The following OSCP1 variants were observed in gnomAD, a reference collection of about 807,000 sequenced individuals.
The protein encoded by OSCP1 is organic solute carrier partner 1, also known as protein OSCP1.
Under a neutral mutation model 45.1 loss-of-function variants are expected in OSCP1, and 35 were observed. The observed-to-expected ratio is 0.78, with a 90% CI of 0.59 to 1.03. The LOEUF (loss-of-function observed/expected upper bound fraction) is 1.03. Ranked by LOEUF, OSCP1 falls within the 50% of genes least tolerant of loss-of-function variation. OSCP1 has a pLI of 0.00. For synonymous variants in OSCP1, 179 were observed against 180.1 expected (o/e 0.99, Z 0.05); for missense variants, 400 against 470.7 (o/e 0.85, Z 1.39).
At chr1:36,432,004 G>T in intron 3 of OSCP1, 122 bp from the exon 4 acceptor site, 1 of 783,078 alleles carries the variant, frequency 1.3e-6, no homozygotes, top group Non-Finnish European at 2.0e-6. Flanking sequence ...CTGGGCTGCT[G>T]GGCAGGAGGG....
chr1:36,422,946 C>G, intron 5 of OSCP1, 50 bp from the exon 6 acceptor site: 1 of 1,470,744 alleles, frequency 6.8e-7, no homozygotes, highest in Non-Finnish European at 9.0e-7. Flanking sequence ...CTTAGGTAGT[C>G]CTGGAGGCTT....
intron 2 of OSCP1, 103 bp from the exon 3 acceptor site, chr1:36,432,692 G>A: frequency 7.1e-7 from 1 of 1,399,432 alleles, no homozygotes; most frequent in South Asian, 1.2e-5. Context: ...AACCAACTCT[G>A]GGCTTGCCAT....
intron 4 of OSCP1, among the ~76,000 whole-genome samples, chr1:36,430,551 T>C (rs74872542): frequency 0.1 from 15,517 of 151,856 alleles, 944 homozygotes; most frequent in East Asian, 0.29. Context: ...AGGAGGATCA[T>C]TTGAGCCCAA....
At position 36,418,180 on chromosome 1, in the gene OSCP1, T is replaced by C. The variant is rs17851612; in HGVS notation, c.1099A>G (p.Ser367Gly). 1.2e-6 allele frequency: 2 copies of C among 1,614,198 alleles called. No homozygotes were observed. Among genetic ancestry groups the C allele is most frequent in the Non-Finnish European group, 1.7e-6 (2 of 1,180,026 alleles). Residue 367 changes from serine (S) to glycine (G), a missense_variant, in exon 10 of 10, where the codon AGC becomes GGC. Ser to Gly is a moderately conservative substitution (Grantham distance 56). Transcript: ENST00000235532. ...ATGGCGAGCAAATCGTCCCCTTTGC[T>C]GGTGCTCAGCCTTGGCTGCTCCGTG... is the stretch of plus-strand genomic sequence containing the variant. Reference protein sequence around the residue: ...EITEQPRLSTSKGDDLLAMMD... With the variant: ...EITEQPRLSTGKGDDLLAMMD...
At chr1:36,429,073 C>T (rs1648171224) in intron 4 of OSCP1, among the ~76,000 whole-genome samples, 1 of 152,026 alleles carries the variant, frequency 6.6e-6, no homozygotes, top group Non-Finnish European at 1.5e-5. Flanking sequence ...CTGTGGCCAG[C>T]TCTGGAGTTG....
At chr1:36,435,799 A>AT (rs1219495510) in intron 2 of OSCP1, among the ~76,000 whole-genome samples, 1 of 151,690 alleles carries the variant, frequency 6.6e-6, no homozygotes, top group African/African-American at 2.4e-5. Flanking sequence ...TGCCCAGCTA[A>AT]TTTTTTGTAT....
At chr1:36,431,973 G>A in intron 3 of OSCP1, 91 bp from the exon 4 acceptor site, 2 of 1,174,696 alleles carry the variant, frequency 1.7e-6, no homozygotes, top group Non-Finnish European at 2.4e-6. Context: ...AGGGATGGGA[G>A]CCAGATAGGT....
intron 1 of OSCP1, chr1:36,444,173 C>A (rs1649367358): frequency 1.1e-6 from 1 of 896,328 alleles, no homozygotes; most frequent in Non-Finnish European, 1.8e-6. Context: ...CTAATGTGAG[C>A]ACACTGCCTT....
intron 1 of OSCP1, among the ~76,000 whole-genome samples, chr1:36,441,233 G>A (rs1649125498): frequency 6.6e-6 from 1 of 152,100 alleles, no homozygotes; most frequent in Admixed American, 6.5e-5. Flanking sequence ...GACACCTAGG[G>A]CTCCCTCTTC....
At chr1:36,434,918 A>G (rs754829361) in intron 2 of OSCP1, among the ~76,000 whole-genome samples, 1 of 152,012 alleles carries the variant, frequency 6.6e-6, no homozygotes, top group Non-Finnish European at 1.5e-5. Context: ...TGCTAGAAAT[A>G]AAGAATAAAA....
At chr1:36,428,416 T>C (rs751715315) in intron 4 of OSCP1, 82 of 1,614,034 alleles carry the variant, frequency 5.1e-5, no homozygotes, top group Non-Finnish European at 6.9e-5. Flanking sequence ...TCCCCACTCC[T>C]GGAAGGCAAC....
At chr1:36,441,957 G>C (rs1323609086) in intron 1 of OSCP1, among the ~76,000 whole-genome samples, 1 of 151,994 alleles carries the variant, frequency 6.6e-6, no homozygotes. Context: ...GCCGGGCGCA[G>C]TGGCTCACGC....
At position 36,448,729 on chromosome 1, in the gene OSCP1, C is replaced by T. The variant is rs113406644; in HGVS notation, c.112+1529G>A. On this transcript the variant is annotated intron_variant, in intron 1 of 9. Transcript: ENST00000235532. Reference sequence around the variant, plus strand: ...GATGGGAATTACTAGCACAGAAATACGAACAAACATGGTTTAAGCGGAGAT... The same window carrying T: ...GATGGGAATTACTAGCACAGAAATATGAACAAACATGGTTTAAGCGGAGAT... Among the ~76,000 whole-genome samples, 321 of 152,222 alleles carry T rather than the reference C, an allele frequency of 2.1e-3. 3 individuals carry two copies. The highest frequency in any genetic ancestry group is 0.014 in the Middle Eastern group (4 of 294).
chr1:36,429,314 A>T (rs1226390514), intron 4 of OSCP1, among the ~76,000 whole-genome samples: 1 of 151,478 alleles, frequency 6.6e-6, no homozygotes, highest in Non-Finnish European at 1.5e-5. Flanking sequence ...TGAGCCCAGG[A>T]GATTGAGGCT....
chr1:36,429,573 C>T (rs558164577), intron 4 of OSCP1, among the ~76,000 whole-genome samples: 17 of 107,734 alleles, frequency 1.6e-4, no homozygotes, highest in South Asian at 8.7e-4. Context: ...GACATGGTCT[C>T]GCTCTGACAC....
chr1:36,424,679 C>G (rs934537433), intron 4 of OSCP1, among the ~76,000 whole-genome samples: 6 of 152,188 alleles, frequency 3.9e-5, no homozygotes, highest in African/African-American at 1.4e-4. Context: ...TGACTGAAAA[C>G]ACATTACACT....
chr1:36,440,643 G>A (rs371313783), intron 1 of OSCP1, among the ~76,000 whole-genome samples: 2 of 152,146 alleles, frequency 1.3e-5, no homozygotes, highest in East Asian at 1.9e-4. Flanking sequence ...TTTGCCTCAT[G>A]CCTGACCACC....
chr1:36,434,248 TC>T (rs1648563893), intron 2 of OSCP1, among the ~76,000 whole-genome samples: 1 of 146,146 alleles, frequency 6.8e-6, no homozygotes, highest in South Asian at 2.1e-4. Flanking sequence ...CCTCATTTGA[TC>T]CCATTTATTC....
intron 3 of OSCP1, 72 bp from the exon 4 acceptor site, chr1:36,431,954 T>C: frequency 7.1e-7 from 1 of 1,417,924 alleles, no homozygotes; most frequent in Non-Finnish European, 9.7e-7. Context: ...GCAGGGCAGA[T>C]GGGTACTCAG....
Sources: gnomAD v4.1 joint callset for allele counts (sites outside exome capture counted in the v4.1 genomes callset) on GRCh38, gnomAD v4.1.1 for gene constraint, MANE v1.5 for transcripts, NCBI Gene and HGNC (gene_info 2026-07-23, HGNC 2026-07-21) for gene names.